The following DAW1 variants were observed in gnomAD, a reference collection of about 807,000 sequenced individuals.
DAW1 encodes the protein dynein assembly factor with WD repeat domains 1.
A neutral mutation model predicts 56.5 loss-of-function variants in DAW1; 47 were observed. The observed-to-expected ratio is 0.83, with a 90% confidence interval of 0.66 to 1.06. The LOEUF (loss-of-function observed/expected upper bound fraction) is 1.06, where lower values mean the gene tolerates loss of function less well. DAW1 is among the 50% of genes least tolerant of loss of function. DAW1 has a pLI of 0.00. For missense variants in DAW1, 505 were observed against 499.3 expected, an observed-to-expected ratio of 1.01 and a Z score of -0.11; for synonymous variants, 190 against 179.0, an observed-to-expected ratio of 1.06 and a Z score of -0.49.
At chr2:227,902,909 TGGTAA>T in intron 6 of DAW1, 88 bp from the exon 7 acceptor site, 1 of 1,275,170 alleles carries the variant, frequency 7.8e-7, no homozygotes, top group Non-Finnish European at 1.1e-6. Context: ...AGATGGAATC[TGGTAA>T]GGTAATTGCA....
At chr2:227,921,681 A>C in intron 12 of DAW1, 120 bp downstream of exon 12, 118 of 1,060,582 alleles carry the variant, frequency 1.1e-4, no homozygotes, top group East Asian at 1.7e-4. Flanking sequence ...TCACTAGCTC[A>C]TCTTGGCCTG....
At chr2:227,892,948 T>C (rs999621366) in intron 4 of DAW1, among the ~76,000 whole-genome samples, 2 of 152,190 alleles carry the variant, frequency 1.3e-5, no homozygotes, top group African/African-American at 2.4e-5. Context: ...AGAATAGCTA[T>C]GTTAAAGGAA....
At chr2:227,892,461 G>A (rs961777092) in intron 4 of DAW1, among the ~76,000 whole-genome samples, 10 of 152,310 alleles carry the variant, frequency 6.6e-5, no homozygotes, top group African/African-American at 2.4e-4. Context: ...AATTATATCT[G>A]CAAGATCTTA....
chr2:227,905,894 A>G (rs561683851), intron 8 of DAW1, among the ~76,000 whole-genome samples: 11 of 152,180 alleles, frequency 7.2e-5, no homozygotes, highest in Admixed American at 3.9e-4. Flanking sequence ...AGCAGGGACT[A>G]CAGGCGCCCA....
intron 5 of DAW1, 69 bp downstream of exon 5, chr2:227,893,986 A>G: frequency 6.9e-7 from 1 of 1,447,902 alleles, no homozygotes; most frequent in Non-Finnish European, 9.1e-7. Context: ...TTGGGGAGAA[A>G]GGGAAGAAGA....
intron 10 of DAW1, among the ~76,000 whole-genome samples, chr2:227,908,829 G>A (rs941026029): frequency 1.3e-5 from 2 of 152,084 alleles, no homozygotes; most frequent in African/African-American, 4.8e-5. Context: ...CATACCATGC[G>A]TGATGCTATT....
chr2:227,921,225 A>G (rs1470740355), intron 11 of DAW1, among the ~76,000 whole-genome samples, 174 bp from the exon 12 acceptor site: 1 of 151,160 alleles, frequency 6.6e-6, no homozygotes, highest in Non-Finnish European at 1.5e-5. Flanking sequence ...TAGTCCCTGC[A>G]ATATTTTTTT....
At position 227,891,312 on chromosome 2, in the gene DAW1, T is replaced by C. The variant is rs776646095; in HGVS notation, c.316T>C (p.Cys106Arg). The C allele has an allele frequency of 6.2e-7, 1 of 1,613,118 alleles. No homozygotes were observed. The highest frequency in any genetic ancestry group is 1.1e-5 in the South Asian group (1 of 90,774). Residue 106 changes from cysteine (C) to arginine (R), a missense_variant and splice_region_variant, in exon 4 of 13, where the codon TGC becomes CGC. Transcript: ENST00000309931. ...TGTTGCACTTAACAAATCGGGCTCA[T>C]GGTAAGATTCTCTTTTTATGTCTAA... is the stretch of plus-strand genomic sequence containing the variant. ...TNVALNKSGS[C>R]FITGSYDRTC...
chr2:227,909,500 C>T (rs1445662141), intron 10 of DAW1, among the ~76,000 whole-genome samples: 2 of 151,362 alleles, frequency 1.3e-5, no homozygotes, highest in Admixed American at 6.6e-5. Flanking sequence ...AGTATACACA[C>T]ACACATATTT....
Position 227,893,888 on chromosome 2 carries a change from T to TTA in DAW1, c.413_414dup (p.Ala139MetfsTer3). 1 of 1,613,292 alleles carries TTA rather than the reference T, an allele frequency of 6.2e-7. No individual in the cohort carries two copies. The highest frequency in any genetic ancestry group is 8.5e-7 in the Non-Finnish European group (1 of 1,179,686). On this transcript the variant is annotated frameshift_variant, in exon 5 of 13. Transcript: ENST00000309931. LOFTEE classifies it high-confidence loss of function. The stretch of plus-strand genomic sequence containing the variant: ...CGCTGGAGGGCCACAGGAATGTGGT[T>TTA]TATGCCATAGCATTCAACAATCCTT...
chr2:227,896,593 A>AGTGTGT (rs5839240), intron 5 of DAW1, among the ~76,000 whole-genome samples: 10,513 of 143,544 alleles, frequency 0.073, 407 homozygotes, highest in Middle Eastern at 0.12. Context: ...AATAAGAGGG[A>AGTGTGT]GTGTGTGTGT....
Position 227,924,163 on chromosome 2 carries a change from A to G in DAW1, c.*195A>G, listed in dbSNP as rs1378679523. 2 of 638,932 alleles carry G rather than the reference A, an allele frequency of 3.1e-6. No individual in the cohort carries two copies. The highest frequency in any genetic ancestry group is 3.6e-5 in the African/African-American group (2 of 54,802). The allele number at this position is 638,932 out of a possible 1,614,324, so 39.6% of individuals were successfully genotyped here. A position where few individuals can be genotyped will look rare whatever the true frequency, so the allele number is the denominator to read the frequency against. ...TATGCCACTCCAATATTATTATTTG[A>G]TGGCGATGGCAGGACACAGCATAAT... is the stretch of plus-strand genomic sequence containing the variant. On this transcript the variant is annotated 3_prime_UTR_variant, in exon 13 of 13. Transcript: ENST00000309931.
At chr2:227,884,962 C>T (rs765308980) in intron 1 of DAW1, among the ~76,000 whole-genome samples, 5 of 152,026 alleles carry the variant, frequency 3.3e-5, no homozygotes, top group Non-Finnish European at 7.4e-5. Flanking sequence ...CTTGCAGGGG[C>T]CCCATTTGTG....
Position 227,924,149 on chromosome 2 carries a change from A to G in DAW1, c.*181A>G. On this transcript the variant is annotated 3_prime_UTR_variant, in exon 13 of 13. Coordinates refer to ENST00000309931, the MANE Select transcript of DAW1 (RefSeq NM_178821.3). ...AAACATGACAAAGTTATGCCACTCCAATATTATTATTTGATGGCGATGGCA... is the reference window on the plus strand; with the variant it reads ...AAACATGACAAAGTTATGCCACTCCGATATTATTATTTGATGGCGATGGCA... The G allele has an allele frequency of 2.9e-6, 2 of 681,518 alleles. No homozygotes were observed. The highest frequency in any genetic ancestry group is 2.1e-5 in the South Asian group (1 of 48,314). The allele number at this position is 681,518 out of a possible 1,614,324, so 42.2% of individuals were successfully genotyped here. A position where few individuals can be genotyped will look rare whatever the true frequency, so the allele number is the denominator to read the frequency against.
chr2:227,892,440 T>G (rs1290730856), intron 4 of DAW1, among the ~76,000 whole-genome samples: 1 of 152,162 alleles, frequency 6.6e-6, no homozygotes, highest in African/African-American at 2.4e-5. Flanking sequence ...AGCCGTAACT[T>G]AACTATTAAT....
At chr2:227,919,117 G>A (rs1016400899) in intron 11 of DAW1, among the ~76,000 whole-genome samples, 5 of 150,672 alleles carry the variant, frequency 3.3e-5, no homozygotes, top group African/African-American at 9.8e-5. Context: ...GATTGCTTGA[G>A]CCCAGGAGGT....
chr2:227,884,361 G>C (rs1306536644), intron 1 of DAW1, among the ~76,000 whole-genome samples: 8 of 152,094 alleles, frequency 5.3e-5, no homozygotes, highest in Non-Finnish European at 1.0e-4. Context: ...ATTGTCCTTG[G>C]TATAATAGGT....
intron 2 of DAW1, among the ~76,000 whole-genome samples, chr2:227,886,195 A>G (rs1406649339): frequency 2.0e-5 from 3 of 152,056 alleles, no homozygotes; most frequent in South Asian, 2.1e-4. Flanking sequence ...CTGACTGCAT[A>G]TGTTCCTCCT....
At position 227,894,500 on chromosome 2, in the gene DAW1, G is replaced by T. The variant is rs142412761; in HGVS notation, c.440+583G>T. 3.3e-5 allele frequency among the ~76,000 whole-genome samples: 5 copies of T among 152,290 alleles called. No individual in the cohort carries two copies. The East Asian group carries it at 9.7e-4, about 29-fold the overall frequency. ...AGAGCTGGAGTTCGTGCTCAGGCAA[G>T]ACTTGACTCTCAATCCTTGGGAGTT... On this transcript the variant is annotated intron_variant, in intron 5 of 12. Coordinates refer to ENST00000309931, the MANE Select transcript of DAW1 (RefSeq NM_178821.3).
Sources: allele counts gnomAD v4.1 joint callset (sites outside exome capture counted in the v4.1 genomes callset), GRCh38; gene constraint gnomAD v4.1.1; transcripts MANE v1.5; gene names NCBI Gene and HGNC (gene_info 2026-07-23, HGNC 2026-07-21).